DNAH1: variants seen among roughly 807,000 people sequenced by gnomAD.
DNAH1 encodes dynein axonemal heavy chain 1.
In DNAH1, 327 loss-of-function variants were observed where a neutral mutation model predicts 484.3. The ratio of observed to expected loss-of-function variants is 0.68; its 90% CI spans 0.62 to 0.74. DNAH1 has a LOEUF of 0.74. Ranked by LOEUF, DNAH1 falls within the 30% of genes least tolerant of loss-of-function variation. DNAH1 has a pLI of 0.00. For synonymous variants in DNAH1, 2,192 were observed against 2,191.9 expected (o/e 1.00, Z 0.00); for missense variants, 5,052 against 5,546.8 (o/e 0.91, Z 2.83).
At chr3:52,382,187 C>T (rs1198387372) in intron 49 of DNAH1, 133 bp from the exon 50 acceptor site, 2 of 1,438,100 alleles carry the variant, frequency 1.4e-6, no homozygotes, top group Non-Finnish European at 1.9e-6. Context: ...AGGTTCAGGG[C>T]CTGAAGGGTC....
intron 66 of DNAH1, among the ~76,000 whole-genome samples, chr3:52,394,139 CAGTG>C (rs1356398959): frequency 1.3e-5 from 2 of 152,272 alleles, no homozygotes; most frequent in Non-Finnish European, 2.9e-5. Flanking sequence ...CCTGCCGAGA[CAGTG>C]AGAGTGACAG....
At position 52,357,844 on chromosome 3, in the gene DNAH1, C is replaced by T. The variant is rs1048548733; in HGVS notation, c.3981-54C>T. 3.8e-6 allele frequency: 6 copies of T among 1,588,462 alleles called. No homozygotes were observed. In the African/African-American group the frequency reaches 8.1e-5, roughly 21 times the overall value. On this transcript the variant is annotated intron_variant, in intron 23 of 77. Coordinates refer to ENST00000420323, the MANE Select transcript of DNAH1 (RefSeq NM_015512.5). ...GGGGATGTCAGCAGGACTGGGGCAG[C>T]TGGGGCCCAGGGAGCCTGCACGACC...
Position 52,358,007 on chromosome 3 carries a change from G to A in DNAH1, c.4086+4G>A, listed in dbSNP as rs1177653434. 1.3e-6 allele frequency: 2 copies of A among 1,597,078 alleles called. No individual in the cohort carries two copies. The highest frequency in any genetic ancestry group is 2.7e-5 in the African/African-American group (2 of 74,598). ...GTGCTTCGAGAACATCGCTCGGGTG[G>A]GCAGCTGGGCCCGGGGCTCAGGGCT... On this transcript the variant is annotated splice_donor_region_variant and intron_variant, in intron 24 of 77. Coordinates refer to ENST00000420323, the MANE Select transcript of DNAH1 (RefSeq NM_015512.5). This position sits in a 1 kb window ranked among gnomAD's most constrained non-coding sequence, Gnocchi z 4.2.
At position 52,400,442 on chromosome 3, in the gene DNAH1, A is replaced by G. The variant is rs1559581290; in HGVS notation, c.12794A>G (p.Tyr4265Cys). The change falls in exon 78 of 78, where the codon TAC becomes TGC. Residue 4265 changes from tyrosine to cysteine, a missense_variant. Around this residue, in one of 4 missense-constraint regions of DNAH1, gnomAD observed 853 missense variants for 899.0 expected, o/e 0.95. Transcript: ENST00000420323. ...GTGGCCCTCATCTGTGCCCTGGACT[A>G]CTAGACTCAGACAGAAGGGCTGGGG... ...RGVALICALD[Y>C] 6.2e-7 allele frequency: 1 copy of G among 1,614,024 alleles called. No individual in the cohort carries two copies. The highest frequency in any genetic ancestry group is 2.2e-5 in the East Asian group (1 of 44,888).
rs983874782 is a variant in DNAH1, at chr3:52,353,747, T to A, written c.3480+114T>A. 34 of 1,439,050 alleles carry A rather than the reference T, an allele frequency of 2.4e-5. No homozygotes were observed. Among genetic ancestry groups the A allele is most frequent in the Non-Finnish European group, 3.1e-5 (33 of 1,069,002 alleles). 89.1% of individuals were successfully genotyped at this position (1,439,050 alleles called of 1,614,324 possible). A position where few individuals can be genotyped will look rare whatever the true frequency, so the allele number is the denominator to read the frequency against. ...GGATGACAGTAATAAGCCCCATCCC[T>A]GGGGTCATGAGGCCCAGGGGTTGAG... On this transcript the variant is annotated intron_variant, in intron 20 of 77. Transcript: ENST00000420323. This position sits in a 1 kb window ranked among gnomAD's most constrained non-coding sequence, Gnocchi z 5.0.
Position 52,358,046 on chromosome 3 carries a change from A to G in DNAH1, c.4086+43A>G, listed in dbSNP as rs1244976150. The G allele has an allele frequency of 6.8e-7, 1 of 1,464,668 alleles. No individual in the cohort carries two copies. Among genetic ancestry groups the G allele is most frequent in the Admixed American group, 2.1e-5 (1 of 47,698 alleles). 90.7% of individuals were successfully genotyped at this position (1,464,668 alleles called of 1,614,324 possible). The stretch of plus-strand genomic sequence containing the variant: ...GGGCTCAGGGCTGGGAGCATGGGGC[A>G]TCTTCCCAGGGAGAACGTCCCTCCC... On this transcript the variant is annotated intron_variant, in intron 24 of 77. Coordinates refer to ENST00000420323, the MANE Select transcript of DNAH1 (RefSeq NM_015512.5). The surrounding 1 kb of genome is among the most constrained non-coding windows in gnomAD (Gnocchi z 4.2).
chr3:52,380,984 CAT>C (rs1703818785), intron 48 of DNAH1, among the ~76,000 whole-genome samples: 1 of 152,198 alleles, frequency 6.6e-6, no homozygotes, highest in Non-Finnish European at 1.5e-5. Flanking sequence ...ACAAGGGAGT[CAT>C]ATGAGTTATG....
Position 52,359,996 on chromosome 3 carries a change from G to T in DNAH1, c.4488G>T (p.Glu1496Asp). 6.2e-7 allele frequency: 1 copy of T among 1,613,952 alleles called. No individual in the cohort carries two copies. Among genetic ancestry groups the T allele is most frequent in the Non-Finnish European group, 8.5e-7 (1 of 1,179,892 alleles). Residue 1496 changes from glutamate (E) to aspartate (D), a missense_variant, in exon 27 of 78, where the codon GAG (glutamate) becomes GAT (aspartate). Transcript: ENST00000420323. ...TGCTGTCAGCGCTAATCGTCATTGA[G>T]GTCCATGCCAAGGACGTGGTGAGCA... ...RAVLSALIVI[E>D]VHAKDVVSKL...
chr3:52,371,986 C>G lies in DNAH1; in HGVS notation c.6566C>G (p.Thr2189Ser), dbSNP rs1445082675. ...TGGATGGACTCCTCAGCTCCATTCA[C>G]CATGGTACCAGACACCAACTACTGC... ...VKWMDSSAPFTMVPDTNYCNI... is the reference protein window; with the variant it reads ...VKWMDSSAPFSMVPDTNYCNI... Residue 2189 changes from threonine to serine, a missense_variant, in exon 42 of 78, where the codon ACC (threonine) becomes AGC (serine). By Grantham distance (58) the Thr-to-Ser change is moderately conservative (BLOSUM62 1). This residue lies in a region of DNAH1 where 2,929 missense variants were observed against 3,409.4 expected (regional missense o/e 0.86). Transcript: ENST00000420323. The G allele has an allele frequency of 6.2e-7, 1 of 1,613,846 alleles. No homozygotes were observed. The highest frequency in any genetic ancestry group is 8.5e-7 in the Non-Finnish European group (1 of 1,179,874).
chr3:52,362,504 A>T lies in DNAH1; in HGVS notation c.5094+3A>T, dbSNP rs149183773. The T allele has an allele frequency of 6.5e-4, 1,045 of 1,612,698 alleles. 7 individuals carry two copies. The African/African-American group carries it at 0.012, about 19-fold the overall frequency. On this transcript the variant is annotated splice_donor_region_variant and intron_variant, in intron 31 of 77. Coordinates refer to ENST00000420323, the MANE Select transcript of DNAH1 (RefSeq NM_015512.5). This position sits in a 1 kb window ranked among gnomAD's most constrained non-coding sequence, Gnocchi z 5.1. ...CGGAGCTGCCTGACAATCTGAAGGC[A>T]AGTGCAGGCCCAGAGTGGCCCAGGA...
chr3:52,398,026 C>G lies in DNAH1; in HGVS notation c.11959-6C>G, dbSNP rs1704716591. The G allele has an allele frequency of 5.6e-6, 9 of 1,612,736 alleles. No individual in the cohort carries two copies. The highest frequency in any genetic ancestry group is 6.8e-6 in the Non-Finnish European group (8 of 1,179,194). The stretch of plus-strand genomic sequence containing the variant: ...TTGACCCCACAGTATTCCTTTGCCC[C>G]TGCAGATAGTGGAGGACGTCACCCA... On this transcript the variant is annotated splice_polypyrimidine_tract_variant and splice_region_variant and intron_variant, in intron 74 of 77. Transcript: ENST00000420323.
At chr3:52,331,713 C>T (rs1162185628) in intron 7 of DNAH1, among the ~76,000 whole-genome samples, 2 of 149,834 alleles carry the variant, frequency 1.3e-5, no homozygotes, top group Non-Finnish European at 3.0e-5. Context: ...TAACCTCTTC[C>T]TCCTGGGTTC....
Position 52,392,770 on chromosome 3 carries a change from G to GC in DNAH1, c.10279-54dup. 19 of 1,510,848 alleles carry GC rather than the reference G, an allele frequency of 1.3e-5. No individual in the cohort carries two copies. In the South Asian group the frequency reaches 1.3e-4, roughly 10 times the overall value. The allele number at this position is 1,510,848 out of a possible 1,614,324, so 93.6% of individuals were successfully genotyped here. On this transcript the variant is annotated intron_variant, in intron 64 of 77. Coordinates refer to ENST00000420323, the MANE Select transcript of DNAH1 (RefSeq NM_015512.5). The stretch of plus-strand genomic sequence containing the variant: ...ACCTCTCCCTGCCTGCCCTAGGCCT[G>GC]CCCCCCAAACCCCCTACCTTCTGCT...
In DNAH1 at chr3:52,383,583, G is replaced by C; in HGVS notation, c.8139G>C (p.Val2713=). The change falls in exon 51 of 78, where the codon GTG becomes GTC. Residue 2713 remains valine, a synonymous_variant. Transcript: ENST00000420323. Reference sequence around the variant, plus strand: ...GTGTGCGCAGCAACATCCACATGGTGCTGTGCATGAGGTACAGGCAGCTGT... The same window carrying C: ...GTGTGCGCAGCAACATCCACATGGTCCTGTGCATGAGGTACAGGCAGCTGT... ...TGRVRSNIHM[V]LCMSPIGEVF... is the part of the protein sequence containing the mutation. 1 of 1,588,850 alleles carries C rather than the reference G, an allele frequency of 6.3e-7. No homozygotes were observed. Among genetic ancestry groups the C allele is most frequent in the Non-Finnish European group, 8.6e-7 (1 of 1,166,730 alleles).
chr3:52,360,553 A>G (rs1258782068), intron 28 of DNAH1, 129 bp downstream of exon 28: 3 of 739,792 alleles, frequency 4.1e-6, no homozygotes, highest in African/African-American at 3.5e-5. Context: ...GTTAGGACCA[A>G]GGGCTTTGGG....
chr3:52,392,927 GTGT>G lies in DNAH1; in HGVS notation c.10377_10379del (p.Cys3459_Val3460delinsTrp). ...ATCCGCACCCAGATCCTCTTCTTCT[GTGT>G]GTCCGACCTGGCCAACGTGGACCCC... On this transcript the variant is annotated inframe_deletion, in exon 65 of 78. Transcript: ENST00000420323. The G allele has an allele frequency of 6.2e-7, 1 of 1,613,224 alleles. No homozygotes were observed. Among genetic ancestry groups the G allele is most frequent in the East Asian group, 2.2e-5 (1 of 44,838 alleles).
upstream of DNAH1, among the ~76,000 whole-genome samples, chr3:52,311,548 A>G (rs1024043101): frequency 1.3e-5 from 2 of 152,074 alleles, no homozygotes; most frequent in Non-Finnish European, 2.9e-5. Context: ...ATGCCAGCAA[A>G]GCCCAGCCTT....
intron 5 of DNAH1, among the ~76,000 whole-genome samples, chr3:52,327,348 G>A (rs984526684): frequency 2.0e-5 from 3 of 152,166 alleles, no homozygotes; most frequent in Admixed American, 2.0e-4. Flanking sequence ...AGCATGGCCT[G>A]GCTCTGGCTT....
rs770714089 is a variant in DNAH1 at position 52,368,694 on chromosome 3, G to A, written c.5766-47G>A. 3 of 1,582,090 alleles carry A rather than the reference G, an allele frequency of 1.9e-6. No individual in the cohort carries two copies. The East Asian group carries it at 6.8e-5, about 36-fold the overall frequency. On this transcript the variant is annotated intron_variant, in intron 36 of 77. Coordinates refer to ENST00000420323, the MANE Select transcript of DNAH1 (RefSeq NM_015512.5). The surrounding 1 kb of genome is among the most constrained non-coding windows in gnomAD (Gnocchi z 4.4). ...TCCCTGGGAGCCAGCTGTGCTCGAA[G>A]CACCGCCTCCCTGATGTTTCCAGCC... is the stretch of plus-strand genomic sequence containing the variant.
Sources: gnomAD v4.1 joint callset for allele counts (sites outside exome capture counted in the v4.1 genomes callset) on GRCh38, gnomAD v4.1.1 for gene constraint, gnomAD v4.1.1 regional missense constraint, Gnocchi (gnomAD v3.1) non-coding constraint, MANE v1.5 for transcripts, NCBI Gene and HGNC (gene_info 2026-07-23, HGNC 2026-07-21) for gene names.